Variants in MARCHF11 observed in about 807,000 individuals in gnomAD.
MARCHF11 encodes membrane associated ring-CH-type finger 11, also known as E3 ubiquitin-protein ligase MARCHF11.
In MARCHF11, 29 loss-of-function variants were observed where a neutral mutation model predicts 37.3. That is an observed-to-expected ratio of 0.78 (90% CI 0.58 to 1.06). MARCHF11 has a LOEUF of 1.06. Among genes scored for constraint, MARCHF11 ranks in the 50% least tolerant of loss-of-function variants. The pLI, the probability that MARCHF11 is intolerant of heterozygous loss-of-function variation, is 0.00. For missense variants in MARCHF11, 482 were observed against 533.4 expected (o/e 0.90, Z 0.95); for synonymous variants, 233 against 228.0 (o/e 1.02, Z -0.20).
At chr5:16,096,421 T>C (rs1736868928) in intron 2 of MARCHF11, among the ~76,000 whole-genome samples, 1 of 152,234 alleles carries the variant, frequency 6.6e-6, no homozygotes, top group African/African-American at 2.4e-5. Context: ...TGTAATATTC[T>C]CTTTACATGT....
At chr5:16,126,099 C>A (rs573769553) in intron 2 of MARCHF11, among the ~76,000 whole-genome samples, 1 of 152,262 alleles carries the variant, frequency 6.6e-6, no homozygotes, top group East Asian at 1.9e-4. Flanking sequence ...ATCACTCTGG[C>A]CAACAGTTAC....
intron 1 of MARCHF11, among the ~76,000 whole-genome samples, chr5:16,178,471 T>C (rs1191089991): frequency 6.6e-6 from 1 of 152,262 alleles, no homozygotes; most frequent in Non-Finnish European, 1.5e-5. Flanking sequence ...CAATGGTGTT[T>C]ATAATTTTAG....
rs189383024 is a variant in MARCHF11 at position 16,111,507 on chromosome 5, T to C, written c.694-20426A>G. On this transcript the variant is annotated intron_variant, in intron 2 of 3. Transcript: ENST00000332432. ...CTTGAGGGAGATGATTTAGGGTATC[T>C]GGAGGAAGAAATTTCTAAGCAGCAA... Among the ~76,000 whole-genome samples, 303 of 152,270 alleles carry C rather than the reference T, an allele frequency of 2.0e-3. 1 individual carries two copies. Among genetic ancestry groups the C allele is most frequent in the African/African-American group, 7.0e-3 (291 of 41,566 alleles).
intron 2 of MARCHF11, among the ~76,000 whole-genome samples, chr5:16,154,326 G>A (rs1368361353): frequency 6.6e-6 from 1 of 151,932 alleles, no homozygotes; most frequent in Non-Finnish European, 1.5e-5. Context: ...CCACTGAAGA[G>A]AACAAATTCT....
chr5:16,172,695 T>C (rs1214514741), intron 2 of MARCHF11, among the ~76,000 whole-genome samples: 1 of 152,224 alleles, frequency 6.6e-6, no homozygotes, highest in African/African-American at 2.4e-5. Context: ...CAGCTCCTCC[T>C]AGTGCATCAG....
At chr5:16,157,903 G>A (rs944438768) in intron 2 of MARCHF11, among the ~76,000 whole-genome samples, 1 of 151,856 alleles carries the variant, frequency 6.6e-6, no homozygotes, top group Admixed American at 6.6e-5. Context: ...ACAACCTATG[G>A]AATGAGAGAA....
At chr5:16,159,718 C>A (rs1738040218) in intron 2 of MARCHF11, among the ~76,000 whole-genome samples, 1 of 151,806 alleles carries the variant, frequency 6.6e-6, no homozygotes, top group African/African-American at 2.4e-5. Context: ...GGATTCACAG[C>A]CTGCCAGAGA....
chr5:16,170,134 A>G (rs1203162332), intron 2 of MARCHF11, among the ~76,000 whole-genome samples: 37 of 152,114 alleles, frequency 2.4e-4, no homozygotes, highest in Admixed American at 2.4e-3. Context: ...CAGGTGGCAG[A>G]TTTCACACCA....
chr5:16,117,753 C>T (rs1283476976), intron 2 of MARCHF11, among the ~76,000 whole-genome samples: 1 of 152,162 alleles, frequency 6.6e-6, no homozygotes, highest in Non-Finnish European at 1.5e-5. Flanking sequence ...CAACTGTCTT[C>T]CAAAATAACC....
At chr5:16,118,775 G>A (rs1737262484) in intron 2 of MARCHF11, among the ~76,000 whole-genome samples, 1 of 152,164 alleles carries the variant, frequency 6.6e-6, no homozygotes, top group African/African-American at 2.4e-5. Flanking sequence ...CTCTCTCCCA[G>A]GTCATGATTG....
At chr5:16,110,475 G>A (rs1737118112) in intron 2 of MARCHF11, among the ~76,000 whole-genome samples, 1 of 152,122 alleles carries the variant, frequency 6.6e-6, no homozygotes, top group Non-Finnish European at 1.5e-5. Context: ...CTTCATATAT[G>A]AAGGGCATGA....
intron 2 of MARCHF11, among the ~76,000 whole-genome samples, chr5:16,093,896 T>C (rs1437893219): frequency 6.6e-6 from 1 of 152,204 alleles, no homozygotes; most frequent in Non-Finnish European, 1.5e-5. Flanking sequence ...GAAGGTTAAA[T>C]TGTACAAAAT....
intron 3 of MARCHF11, among the ~76,000 whole-genome samples, chr5:16,072,910 T>C (rs1197318653): frequency 1.3e-5 from 2 of 152,136 alleles, no homozygotes; most frequent in East Asian, 3.9e-4. Context: ...AGAGGTATAA[T>C]AATGTCAGTG....
At chr5:16,102,153 A>T (rs993762743) in intron 2 of MARCHF11, among the ~76,000 whole-genome samples, 6 of 152,222 alleles carry the variant, frequency 3.9e-5, no homozygotes, top group African/African-American at 1.4e-4. Flanking sequence ...CTGAGGAATG[A>T]AACAATGGCT....
chr5:16,166,627 T>C (rs1230910984), intron 2 of MARCHF11, among the ~76,000 whole-genome samples: 1 of 152,052 alleles, frequency 6.6e-6, no homozygotes, highest in Non-Finnish European at 1.5e-5. Flanking sequence ...TATGTAAATT[T>C]CTATACGATT....
At chr5:16,076,480 A>G (rs1004406088) in intron 3 of MARCHF11, among the ~76,000 whole-genome samples, 1 of 152,140 alleles carries the variant, frequency 6.6e-6, no homozygotes, top group African/African-American at 2.4e-5. Context: ...GTTCTCCTAT[A>G]ATTGGTAGAA....
At chr5:16,119,928 G>C (rs975734206) in intron 2 of MARCHF11, among the ~76,000 whole-genome samples, 2 of 152,140 alleles carry the variant, frequency 1.3e-5, no homozygotes, top group Admixed American at 6.5e-5. Flanking sequence ...CTTCACAAAC[G>C]AATTCCCATA....
At chr5:16,165,348 G>T (rs1035598050) in intron 2 of MARCHF11, among the ~76,000 whole-genome samples, 1 of 151,958 alleles carries the variant, frequency 6.6e-6, no homozygotes, top group African/African-American at 2.4e-5. Context: ...TTCCCCTATT[G>T]TTAATATCTT....
intron 2 of MARCHF11, among the ~76,000 whole-genome samples, chr5:16,118,394 G>C (rs1340185785): frequency 1.3e-5 from 2 of 151,888 alleles, no homozygotes; most frequent in Non-Finnish European, 2.9e-5. Context: ...TCATTCAACT[G>C]GTTCCAATAA....
Sources: allele counts gnomAD v4.1 joint callset (sites outside exome capture counted in the v4.1 genomes callset), GRCh38; gene constraint gnomAD v4.1.1; transcripts MANE v1.5; gene names NCBI Gene and HGNC (gene_info 2026-07-23, HGNC 2026-07-21).